ARHGAP24: variants seen among roughly 807,000 people sequenced by gnomAD.
ARHGAP24 encodes the protein Rho GTPase activating protein 24.
Under a neutral mutation model 76.4 loss-of-function variants are expected in ARHGAP24, and 50 were observed. The ratio of observed to expected loss-of-function variants is 0.65; its 90% CI spans 0.52 to 0.83. The LOEUF is 0.83. ARHGAP24 is among the 40% of genes least tolerant of loss of function. ARHGAP24 has a pLI of 0.00. For missense variants in ARHGAP24, 930 were observed against 914.2 expected (o/e 1.02, Z -0.22); for synonymous variants, 345 against 323.3 (o/e 1.07, Z -0.72).
chr4:85,548,504 C>T (rs1203530454), intron 1 of ARHGAP24, among the ~76,000 whole-genome samples: 1 of 152,170 alleles, frequency 6.6e-6, no homozygotes, highest in Non-Finnish European at 1.5e-5. Flanking sequence ...TCATTTGTAA[C>T]TCTTTTCCAA....
chr4:85,821,625 T>C (rs889531977), intron 3 of ARHGAP24, among the ~76,000 whole-genome samples: 1 of 152,192 alleles, frequency 6.6e-6, no homozygotes, highest in Non-Finnish European at 1.5e-5. Context: ...CCTCAAATGA[T>C]CCTCCTGCCT....
Position 85,664,796 on chromosome 4 carries a change from G to A in ARHGAP24, c.181-57089G>A, listed in dbSNP as rs536825417. Among the ~76,000 whole-genome samples the A allele has an allele frequency of 1.4e-4, 21 of 152,206 alleles. No individual in the cohort carries two copies. In the South Asian group the frequency reaches 4.4e-3, roughly 32 times the overall value. ...CCCAGTAGTCATTCAGGAGCAGGTT[G>A]TTCAGTTTCCACGTAGCTGAGCAGT... On this transcript the variant is annotated intron_variant, in intron 2 of 9. Coordinates refer to ENST00000395184, the MANE Select transcript of ARHGAP24 (RefSeq NM_001025616.3).
chr4:85,927,591 C>T (rs1485366412), intron 4 of ARHGAP24, among the ~76,000 whole-genome samples: 2 of 152,088 alleles, frequency 1.3e-5, no homozygotes, highest in African/African-American at 4.8e-5. Context: ...TTATGAAACC[C>T]AGGCCCTGTT....
chr4:85,644,530 A>T (rs914211134), intron 2 of ARHGAP24, among the ~76,000 whole-genome samples: 8 of 152,126 alleles, frequency 5.3e-5, no homozygotes, highest in African/African-American at 1.7e-4. Context: ...TATCAAATAC[A>T]TATGTAATTT....
Position 85,752,854 on chromosome 4 carries a change from A to T in ARHGAP24, c.268+30882A>T, listed in dbSNP as rs956010424. ...AAAGGAGCCCTAAATAAATGTTAAC[A>T]TTGATTTATGATTCTCTATATTAAT... On this transcript the variant is annotated intron_variant, in intron 3 of 9. Transcript: ENST00000395184. Among the ~76,000 whole-genome samples, 4 of 152,318 alleles carry T rather than the reference A, an allele frequency of 2.6e-5. No individual in the cohort carries two copies. The South Asian group carries it at 6.2e-4, about 24-fold the overall frequency.
chr4:85,709,535 G>A (rs998669321), intron 2 of ARHGAP24, among the ~76,000 whole-genome samples: 3 of 152,084 alleles, frequency 2.0e-5, no homozygotes, highest in African/African-American at 7.2e-5. Context: ...AACCAGTGAT[G>A]ACATATTAAA....
At position 85,533,577 on chromosome 4, in the gene ARHGAP24, C is replaced by T. The variant is rs1006811611; in HGVS notation, c.-20-36945C>T. ...TAGCTTTAGAGGCTGAAGCATTCTG[C>T]GTGCTTTATAGCATACAGTAAGGGG... On this transcript the variant is annotated intron_variant, in intron 1 of 9. Transcript: ENST00000395184. Among the ~76,000 whole-genome samples, 17 of 152,176 alleles carry T rather than the reference C, an allele frequency of 1.1e-4. No individual in the cohort carries two copies. The South Asian group carries it at 2.3e-3, about 20-fold the overall frequency.
intron 3 of ARHGAP24, among the ~76,000 whole-genome samples, chr4:85,842,614 GCTTATTGAGAGAACTGGCAGGGC>G (rs1278819328): frequency 1.3e-5 from 2 of 152,146 alleles, no homozygotes; most frequent in East Asian, 3.8e-4. Context: ...CATGAATTCG[GCTTATTGAGAGAACTGGCAGGGC>G]ACATTATACA....
rs779595515 is a variant in ARHGAP24 at position 86,001,497 on chromosome 4, T to C, written c.*775T>C. On this transcript the variant is annotated 3_prime_UTR_variant, in exon 10 of 10. Transcript: ENST00000395184. The stretch of plus-strand genomic sequence containing the variant: ...ATGCTCCTTAGAAAAGAAAAAATGG[T>C]AAAGAATGGCATTTAACGATTCAGG... 2 of 398,454 alleles carry C rather than the reference T, an allele frequency of 5.0e-6. No homozygotes were observed. The highest frequency in any genetic ancestry group is 2.1e-5 in the African/African-American group (1 of 48,626). The allele number at this position is 398,454 out of a possible 1,614,324, so 24.7% of individuals were successfully genotyped here.
chr4:85,796,543 G>T (rs76146676), intron 3 of ARHGAP24, among the ~76,000 whole-genome samples: 1 of 152,088 alleles, frequency 6.6e-6, no homozygotes, highest in Non-Finnish European at 1.5e-5. Flanking sequence ...CAGGCATGGC[G>T]TATCAATCTG....
At chr4:85,970,532 G>C (rs1349271008) in intron 5 of ARHGAP24, among the ~76,000 whole-genome samples, 1 of 152,088 alleles carries the variant, frequency 6.6e-6, no homozygotes, top group Non-Finnish European at 1.5e-5. Context: ...TACCCATTAG[G>C]AGTAGATGTG....
chr4:85,784,194 A>G (rs1235463047), intron 3 of ARHGAP24, among the ~76,000 whole-genome samples: 1 of 152,062 alleles, frequency 6.6e-6, no homozygotes, highest in African/African-American at 2.4e-5. Context: ...TCTTTCTGCC[A>G]TCTATACTGT....
intron 3 of ARHGAP24, among the ~76,000 whole-genome samples, chr4:85,852,021 C>T (rs931246287): frequency 3.0e-4 from 45 of 152,312 alleles, no homozygotes; most frequent in Non-Finnish European, 2.4e-4. Flanking sequence ...GGAAGTTCTC[C>T]TGAATAATAT....
At chr4:85,620,200 C>T (rs1720670239) in intron 2 of ARHGAP24, among the ~76,000 whole-genome samples, 1 of 151,892 alleles carries the variant, frequency 6.6e-6, no homozygotes, top group South Asian at 2.1e-4. Flanking sequence ...TTCTCCTCTT[C>T]AGTTTTTCTG....
rs374000814 is a variant in ARHGAP24 at position 85,497,099 on chromosome 4, G to A, written c.-21+21540G>A. Among the ~76,000 whole-genome samples the A allele has an allele frequency of 3.0e-4, 46 of 152,260 alleles. No individual in the cohort carries two copies. In the South Asian group the frequency reaches 9.3e-3, roughly 31 times the overall value. On this transcript the variant is annotated intron_variant, in intron 1 of 9. Transcript: ENST00000395184. ...GGAATGGAATCAGGAAATATGAAACGGTTAAAACGATTAAACTTGGTGACT... is the reference window on the plus strand; with the variant it reads ...GGAATGGAATCAGGAAATATGAAACAGTTAAAACGATTAAACTTGGTGACT...
intron 2 of ARHGAP24, among the ~76,000 whole-genome samples, chr4:85,616,754 A>G (rs899904548): frequency 6.6e-6 from 1 of 152,106 alleles, no homozygotes; most frequent in African/African-American, 2.4e-5. Flanking sequence ...CAGCCTCCCA[A>G]GTAGCTGGGA....
intron 2 of ARHGAP24, among the ~76,000 whole-genome samples, chr4:85,641,769 G>T (rs1236678698): frequency 6.6e-6 from 1 of 152,138 alleles, no homozygotes; most frequent in Non-Finnish European, 1.5e-5. Flanking sequence ...GACATGCATA[G>T]GGTGAGGTAT....
intron 2 of ARHGAP24, among the ~76,000 whole-genome samples, chr4:85,702,418 C>T (rs1034569920): frequency 6.6e-6 from 1 of 152,094 alleles, no homozygotes; most frequent in African/African-American, 2.4e-5. Context: ...TTATTAGCAG[C>T]ATAGCAAACA....
rs1049761085 is a variant in ARHGAP24 at position 85,650,425 on chromosome 4, A to G, written c.181-71460A>G. 4.7e-4 allele frequency among the ~76,000 whole-genome samples: 71 copies of G among 149,514 alleles called. 8 individuals are homozygous for G. The highest frequency in any genetic ancestry group is 6.8e-3 in the Middle Eastern group (2 of 294). ...GGTTTCAGCCCTAGGTTTATCACTAACCCAATGACCTTGGCCAATAATCTT... is the reference window on the plus strand; with the variant it reads ...GGTTTCAGCCCTAGGTTTATCACTAGCCCAATGACCTTGGCCAATAATCTT... On this transcript the variant is annotated intron_variant, in intron 2 of 9. Transcript: ENST00000395184.
Sources: allele counts gnomAD v4.1 joint callset (sites outside exome capture counted in the v4.1 genomes callset), GRCh38; gene constraint gnomAD v4.1.1; transcripts MANE v1.5; gene names NCBI Gene and HGNC (gene_info 2026-07-23, HGNC 2026-07-21).